The following KIAA1217 variants were observed in gnomAD, a reference collection of about 807,000 sequenced individuals.
KIAA1217 encodes the protein KIAA1217, also known as sickle tail protein homolog.
In KIAA1217, 88 loss-of-function variants were observed where a neutral mutation model predicts 163.9. The ratio of observed to expected loss-of-function variants is 0.54; its 90% confidence interval spans 0.45 to 0.64. The LOEUF (loss-of-function observed/expected upper bound fraction) is 0.64. Ranked by LOEUF, KIAA1217 falls within the 30% of genes least tolerant of loss-of-function variation. The probability of loss-of-function intolerance (pLI) is 0.00; values close to 1 mark genes in which losing one functional copy is unlikely to be tolerated. For missense variants in KIAA1217, 2,372 were observed against 2,475.0 expected, an observed-to-expected ratio of 0.96 and a Z score of 0.88; for synonymous variants, 903 against 923.1, an observed-to-expected ratio of 0.98 and a Z score of 0.39.
At position 24,184,547 on chromosome 10, in the gene KIAA1217, A is replaced by C. The variant is rs1038121357; in HGVS notation, c.-170-35079A>C. 2.6e-5 allele frequency among the ~76,000 whole-genome samples: 4 copies of C among 152,340 alleles called. No homozygotes were observed. In the East Asian group the frequency reaches 5.8e-4, roughly 22 times the overall value. Reference sequence around the variant, plus strand: ...CACCCACACAGACTAAGCACCTTCAAAGCGCACAGTCCTCAAGTATATGTT... The same window carrying C: ...CACCCACACAGACTAAGCACCTTCACAGCGCACAGTCCTCAAGTATATGTT... On this transcript the variant is annotated intron_variant, in intron 2 of 18. Transcript: ENST00000376462.
chr10:24,271,595 TATA>T (rs1234489937), intron 2 of KIAA1217, among the ~76,000 whole-genome samples: 1 of 151,678 alleles, frequency 6.6e-6, no homozygotes, highest in African/African-American at 2.4e-5. Flanking sequence ...TGCAAAAAAT[TATA>T]ATAATTAGCC....
intron 2 of KIAA1217, among the ~76,000 whole-genome samples, chr10:24,341,601 T>C (rs1232938247): frequency 1.3e-5 from 2 of 152,056 alleles, no homozygotes; most frequent in Non-Finnish European, 2.9e-5. Context: ...TGTATTTCCT[T>C]TTATACTCTG....
intron 3 of KIAA1217, among the ~76,000 whole-genome samples, chr10:24,383,843 G>A (rs1377531478): frequency 6.6e-6 from 1 of 152,236 alleles, no homozygotes; most frequent in Non-Finnish European, 1.5e-5. Context: ...TGGCCCTTAT[G>A]GCGTAATCCA....
At chr10:23,918,858 G>T (rs920108477) in intron 1 of KIAA1217, among the ~76,000 whole-genome samples, 1 of 151,920 alleles carries the variant, frequency 6.6e-6, no homozygotes, top group Non-Finnish European at 1.5e-5. Context: ...CAAGACAATT[G>T]TCTTTGCACC....
At chr10:24,265,580 G>A (rs1590358915) in intron 2 of KIAA1217, among the ~76,000 whole-genome samples, 2 of 152,052 alleles carry the variant, frequency 1.3e-5, no homozygotes, top group East Asian at 1.9e-4. Context: ...TTGGGCAGCC[G>A]GCCATAGCTG....
intron 8 of KIAA1217, among the ~76,000 whole-genome samples, chr10:24,496,613 C>T (rs1428712593): frequency 6.6e-6 from 1 of 152,196 alleles, no homozygotes; most frequent in Non-Finnish European, 1.5e-5. Flanking sequence ...ACTTTTCATG[C>T]ATTCACTCAT....
Position 23,858,845 on chromosome 10 carries a change from A to C in KIAA1217, c.-320-148380A>C, listed in dbSNP as rs115889707. On this transcript the variant is annotated intron_variant, in intron 1 of 18. Coordinates refer to the KIAA1217 transcript ENST00000376462. Reference sequence around the variant, plus strand: ...CCAAGACTTAAGAGACATAGTAGAAAACTCTCCATCTTATGATTCTATTGC... The same window carrying C: ...CCAAGACTTAAGAGACATAGTAGAACACTCTCCATCTTATGATTCTATTGC... Among the ~76,000 whole-genome samples the C allele has an allele frequency of 4.2e-3, 637 of 152,218 alleles. 4 individuals are homozygous for C. Among genetic ancestry groups the C allele is most frequent in the African/African-American group, 0.015 (617 of 41,536 alleles).
intron 1 of KIAA1217, among the ~76,000 whole-genome samples, chr10:23,801,690 C>A (rs968046190): frequency 9.2e-5 from 14 of 152,130 alleles, no homozygotes; most frequent in African/African-American, 3.4e-4. Flanking sequence ...TGCACAGACA[C>A]CCCAGGTGTA....
chr10:23,973,119 T>C (rs537997093), intron 1 of KIAA1217, among the ~76,000 whole-genome samples: 5 of 152,358 alleles, frequency 3.3e-5, no homozygotes, highest in Admixed American at 2.0e-4. Flanking sequence ...TTTGATTTTT[T>C]TCTCTTTCAC....
chr10:23,929,844 T>C (rs1396196612), intron 1 of KIAA1217, among the ~76,000 whole-genome samples: 1 of 152,198 alleles, frequency 6.6e-6, no homozygotes, highest in Non-Finnish European at 1.5e-5. Context: ...CTGGGTCAGA[T>C]GGTAGTTCTG....
chr10:24,463,912 G>A (rs2062680910), intron 5 of KIAA1217, among the ~76,000 whole-genome samples: 1 of 152,232 alleles, frequency 6.6e-6, no homozygotes, highest in Non-Finnish European at 1.5e-5. Flanking sequence ...AGTAATGGCT[G>A]TAATGTCCCA....
intron 1 of KIAA1217, among the ~76,000 whole-genome samples, chr10:24,002,400 C>T (rs892197582): frequency 1.3e-5 from 2 of 152,116 alleles, no homozygotes; most frequent in South Asian, 2.1e-4. Context: ...CCACCTCTAA[C>T]CACGGAGGCA....
intron 2 of KIAA1217, among the ~76,000 whole-genome samples, chr10:24,236,433 T>C (rs1233627086): frequency 6.6e-6 from 1 of 152,054 alleles, no homozygotes; most frequent in Non-Finnish European, 1.5e-5. Flanking sequence ...TTGTATTTAG[T>C]AGGTTTCACC....
At chr10:24,429,249 G>A (rs1018946091) in intron 3 of KIAA1217, among the ~76,000 whole-genome samples, 9 of 152,096 alleles carry the variant, frequency 5.9e-5, no homozygotes, top group African/African-American at 1.9e-4. Context: ...TGTTCTGGGG[G>A]CTTTTAGGAT....
chr10:23,744,128 G>A (rs1266031276), intron 1 of KIAA1217, among the ~76,000 whole-genome samples: 1 of 152,162 alleles, frequency 6.6e-6, no homozygotes, highest in South Asian at 2.1e-4. Context: ...AATCCAACAG[G>A]AAGTTGGCAA....
At chr10:24,150,971 A>G (rs2064583455) in intron 2 of KIAA1217, among the ~76,000 whole-genome samples, 1 of 152,154 alleles carries the variant, frequency 6.6e-6, no homozygotes, top group South Asian at 2.1e-4. Context: ...TGTTATCCTA[A>G]GTGGCCAGGA....
At chr10:23,855,861 A>G (rs569661096) in intron 1 of KIAA1217, among the ~76,000 whole-genome samples, 4 of 152,284 alleles carry the variant, frequency 2.6e-5, no homozygotes, top group Non-Finnish European at 4.4e-5. Context: ...TTTCGGCTCC[A>G]TCAGCTCCTT....
intron 2 of KIAA1217, among the ~76,000 whole-genome samples, chr10:24,238,145 A>G (rs1457611008): frequency 2.6e-5 from 4 of 152,216 alleles, no homozygotes; most frequent in Non-Finnish European, 5.9e-5. Context: ...CTGCTCCTTC[A>G]GCTACTGCTG....
chr10:24,013,439 G>A (rs1429570360), intron 2 of KIAA1217, among the ~76,000 whole-genome samples: 1 of 151,894 alleles, frequency 6.6e-6, no homozygotes, highest in Admixed American at 6.6e-5. Context: ...TTAATCAGTG[G>A]ACAAAAGCCA....
Sources: gnomAD v4.1 joint callset for allele counts (sites outside exome capture counted in the v4.1 genomes callset) on GRCh38, gnomAD v4.1.1 for gene constraint, MANE v1.5 for transcripts, NCBI Gene and HGNC (gene_info 2026-07-23, HGNC 2026-07-21) for gene names.